The following VPS13B variants were observed in gnomAD, a reference collection of about 807,000 sequenced individuals.
VPS13B encodes vacuolar protein sorting 13 homolog B, also known as intermembrane lipid transfer protein VPS13B.
VPS13B carries 285 observed loss-of-function variants against 426.4 expected under a neutral mutation model. The observed-to-expected ratio is 0.67, with a 90% CI of 0.61 to 0.74. The LOEUF (loss-of-function observed/expected upper bound fraction) is 0.74, where lower values mean the gene tolerates loss of function less well. VPS13B is among the 30% of genes least tolerant of loss of function. The pLI is 0.00. For missense variants in VPS13B, 4,537 were observed against 4,782.6 expected, an observed-to-expected ratio of 0.95 and a Z score of 1.51; for synonymous variants, 1,676 against 1,676.4, an observed-to-expected ratio of 1.00 and a Z score of 0.01.
intron 17 of VPS13B, among the ~76,000 whole-genome samples, chr8:99,210,421 A>G (rs528096495): frequency 4.6e-5 from 7 of 152,024 alleles, no homozygotes; most frequent in Admixed American, 3.3e-4. Context: ...GTATCTTTCT[A>G]TTATGGCCAT....
At chr8:99,783,732 T>A (rs188771198) in intron 42 of VPS13B, among the ~76,000 whole-genome samples, 152 of 152,298 alleles carry the variant, frequency 1.0e-3, no homozygotes, top group African/African-American at 3.5e-3. Flanking sequence ...CTGGAGTTGA[T>A]CTGTTTTGTA....
In VPS13B at chr8:99,876,132, G is replaced by GGCCTT. The variant is rs1255842870; in HGVS notation, c.*467_*471dup. On this transcript the variant is annotated 3_prime_UTR_variant, in exon 62 of 62. Transcript: ENST00000357162. ...TCTGTTCCATCATAGAATGTGGCCA[G>GGCCTT]GCCTTACAATGGAGAGCCAGAGTTA... 1 of 180,672 alleles carries GGCCTT rather than the reference G, an allele frequency of 5.5e-6. No individual in the cohort carries two copies. The highest frequency in any genetic ancestry group is 1.2e-5 in the Non-Finnish European group (1 of 84,570). 11.2% of individuals were successfully genotyped at this position (180,672 alleles called of 1,614,324 possible). A position where few individuals can be genotyped will look rare whatever the true frequency, so the allele number is the denominator to read the frequency against.
chr8:99,806,629 T>C (rs554785642), intron 43 of VPS13B, among the ~76,000 whole-genome samples: 1 of 152,332 alleles, frequency 6.6e-6, no homozygotes, highest in Admixed American at 6.5e-5. Flanking sequence ...GTAATGAAAA[T>C]GTGTTGGATA....
intron 3 of VPS13B, among the ~76,000 whole-genome samples, chr8:99,046,111 A>G (rs1415589468): frequency 1.3e-5 from 2 of 151,966 alleles, no homozygotes; most frequent in Non-Finnish European, 2.9e-5. Context: ...TGGGAATTGT[A>G]TTGAATTTGT....
intron 43 of VPS13B, among the ~76,000 whole-genome samples, chr8:99,790,583 A>G (rs1166729349): frequency 3.3e-5 from 5 of 152,186 alleles, no homozygotes; most frequent in African/African-American, 1.2e-4. Flanking sequence ...TGAAAACACT[A>G]GCCATAGGGA....
At chr8:99,875,321 G>C (rs1225733451) in intron 61 of VPS13B, 97 bp from the exon 62 acceptor site, 1 of 1,528,408 alleles carries the variant, frequency 6.5e-7, no homozygotes, top group Admixed American at 1.7e-5. Flanking sequence ...TGACCTAAAA[G>C]GCATAATGTA....
At chr8:99,430,604 A>G (rs1255258325) in intron 21 of VPS13B, among the ~76,000 whole-genome samples, 1 of 152,076 alleles carries the variant, frequency 6.6e-6, no homozygotes, top group African/African-American at 2.4e-5. Context: ...GAAGAACAAA[A>G]TTTTAAATAA....
chr8:99,111,115 A>C lies in VPS13B; in HGVS notation c.598A>C (p.Arg200=). 1 of 1,604,352 alleles carries C rather than the reference A, an allele frequency of 6.2e-7. No homozygotes were observed. Among genetic ancestry groups the C allele is most frequent in the Non-Finnish European group, 8.5e-7 (1 of 1,175,112 alleles). The stretch of plus-strand genomic sequence containing the variant: ...CTTTTTAGCAACTGATTTGGTGCTG[A>C]GAAAGGTTATCAATTTTTCTGACTG... ...MDISATDLVL[R]KVINFSDCTV... The change falls in exon 6 of 62, where the codon AGA becomes CGA. Residue 200 remains arginine, a synonymous_variant. Coordinates refer to ENST00000357162, the MANE Select transcript of VPS13B (RefSeq NM_152564.5).
chr8:99,748,744 T>G (rs984636103), intron 39 of VPS13B, among the ~76,000 whole-genome samples: 1 of 152,048 alleles, frequency 6.6e-6, no homozygotes, highest in Non-Finnish European at 1.5e-5. Flanking sequence ...AATATGACTG[T>G]GTTTGCAAAC....
intron 14 of VPS13B, among the ~76,000 whole-genome samples, chr8:99,155,406 C>T (rs1056027008): frequency 7.2e-5 from 11 of 152,074 alleles, no homozygotes; most frequent in Non-Finnish European, 1.2e-4. Context: ...TGATTGGCTA[C>T]GTCTGTTGAG....
intron 3 of VPS13B, among the ~76,000 whole-genome samples, chr8:99,070,895 G>T (rs919668423): frequency 6.6e-6 from 1 of 151,858 alleles, no homozygotes; most frequent in Non-Finnish European, 1.5e-5. Context: ...GCATTCTTCA[G>T]TATGTCAATT....
chr8:99,558,414 T>C (rs1453105720), intron 31 of VPS13B, among the ~76,000 whole-genome samples: 1 of 151,884 alleles, frequency 6.6e-6, no homozygotes, highest in Admixed American at 6.6e-5. Context: ...TTTCTTTTTA[T>C]TATTATTATT....
chr8:99,057,298 A>G (rs1843933223), intron 3 of VPS13B, among the ~76,000 whole-genome samples: 1 of 152,098 alleles, frequency 6.6e-6, no homozygotes. Context: ...GCACTTTGGC[A>G]GAGCTCATTA....
intron 27 of VPS13B, among the ~76,000 whole-genome samples, chr8:99,504,748 G>A (rs141711833): frequency 1.4e-3 from 216 of 152,278 alleles, no homozygotes; most frequent in Non-Finnish European, 2.5e-3. Flanking sequence ...TTTCAGAATG[G>A]TAAATGAGCA....
chr8:99,767,596 A>C (rs1471325953), intron 40 of VPS13B, among the ~76,000 whole-genome samples: 1 of 151,964 alleles, frequency 6.6e-6, no homozygotes, highest in Non-Finnish European at 1.5e-5. Flanking sequence ...TATACAGATA[A>C]AGTTTTATCC....
chr8:99,284,088 T>G (rs965949905), intron 19 of VPS13B, among the ~76,000 whole-genome samples: 1 of 152,192 alleles, frequency 6.6e-6, no homozygotes, highest in Non-Finnish European at 1.5e-5. Flanking sequence ...TATTTTCAAG[T>G]ACTAGAAATG....
chr8:99,851,431 A>ACT (rs1563508413), intron 55 of VPS13B, among the ~76,000 whole-genome samples: 3 of 152,206 alleles, frequency 2.0e-5, no homozygotes, highest in Non-Finnish European at 4.4e-5. Flanking sequence ...ATGGTGCAGT[A>ACT]GAAGGTCAGC....
chr8:99,233,610 G>A lies in VPS13B; in HGVS notation c.2515+40553G>A, dbSNP rs1023346785. 1.2e-5 allele frequency: 14 copies of A among 1,192,066 alleles called. No individual in the cohort carries two copies. In the East Asian group the frequency reaches 2.1e-4, roughly 18 times the overall value. 73.8% of individuals were successfully genotyped at this position (1,192,066 alleles called of 1,614,324 possible). On this transcript the variant is annotated intron_variant, in intron 17 of 61. Transcript: ENST00000357162. ...AGCATATCATTTTCAAAGGCCTCAC[G>A]CAGCTTCTTCATAATCTCCATCTCA...
intron 14 of VPS13B, among the ~76,000 whole-genome samples, chr8:99,150,856 G>A (rs183264071): frequency 1.3e-5 from 2 of 152,290 alleles, no homozygotes; most frequent in Admixed American, 6.5e-5. Flanking sequence ...CCACGTGCAC[G>A]TTTTGGTGTG....
Sources: gnomAD v4.1 joint callset for allele counts (sites outside exome capture counted in the v4.1 genomes callset) on GRCh38, gnomAD v4.1.1 for gene constraint, MANE v1.5 for transcripts, NCBI Gene and HGNC (gene_info 2026-07-23, HGNC 2026-07-21) for gene names.